CELF4: variants seen among roughly 807,000 people sequenced by gnomAD.
CELF4 encodes CUGBP Elav-like family member 4.
In CELF4, 18 loss-of-function variants were observed where a neutral mutation model predicts 59.9. The ratio of observed to expected loss-of-function variants is 0.30; its 90% CI spans 0.21 to 0.45. The LOEUF is 0.45. Among genes scored for constraint, CELF4 ranks in the 20% least tolerant of loss-of-function variants. The probability of loss-of-function intolerance (pLI) is 1.00; values close to 1 mark genes in which losing one functional copy is unlikely to be tolerated. For missense variants in CELF4, 456 were observed against 689.0 expected, an observed-to-expected ratio of 0.66 and a Z score of 3.79; for synonymous variants, 261 against 267.1, an observed-to-expected ratio of 0.98 and a Z score of 0.22.
At chr18:37,475,117 TAAGAC>T (rs2099845066) in intron 2 of CELF4, among the ~76,000 whole-genome samples, 1 of 152,200 alleles carries the variant, frequency 6.6e-6, no homozygotes, top group Non-Finnish European at 1.5e-5. Context: ...GTCTGCCTGA[TAAGAC>T]ACCCCTTATT....
intron 1 of CELF4, chr18:37,528,979 A>G (rs2099966722): frequency 1.3e-5 from 2 of 152,066 alleles, no homozygotes; most frequent in South Asian, 4.2e-4. Flanking sequence ...CTCTTAGCTC[A>G]TTCCTTTATT....
chr18:37,474,645 G>C (rs1280457083), intron 2 of CELF4, among the ~76,000 whole-genome samples: 1 of 152,242 alleles, frequency 6.6e-6, no homozygotes, highest in Non-Finnish European at 1.5e-5. Context: ...GGGTGATGCT[G>C]TCTTAAATAA....
At chr18:37,379,973 T>G (rs2154568922) in intron 2 of CELF4, among the ~76,000 whole-genome samples, 1 of 152,178 alleles carries the variant, frequency 6.6e-6, no homozygotes, top group South Asian at 2.1e-4. Flanking sequence ...ACTCAGAGGG[T>G]GGATGGGTTT....
chr18:37,369,056 A>C (rs1036613654), intron 2 of CELF4, among the ~76,000 whole-genome samples: 7 of 152,176 alleles, frequency 4.6e-5, no homozygotes, highest in Non-Finnish European at 7.4e-5. Flanking sequence ...GGGAGGAAGG[A>C]ACAAGCCTGA....
At chr18:37,354,542 C>A (rs771647108) in intron 2 of CELF4, among the ~76,000 whole-genome samples, 1 of 152,146 alleles carries the variant, frequency 6.6e-6, no homozygotes, top group Non-Finnish European at 1.5e-5. Flanking sequence ...TTCTGGTTCC[C>A]GTAGGTAGGT....
intron 3 of CELF4, among the ~76,000 whole-genome samples, chr18:37,311,783 C>T (rs543322924): frequency 4.8e-5 from 5 of 104,812 alleles, no homozygotes; most frequent in East Asian, 2.6e-4. Flanking sequence ...AACCAGACTC[C>T]GTCTCAAAAA....
intron 2 of CELF4, among the ~76,000 whole-genome samples, chr18:37,398,933 A>G (rs2099280241): frequency 6.6e-6 from 1 of 152,078 alleles, no homozygotes; most frequent in African/African-American, 2.4e-5. Flanking sequence ...CAAACTGCCC[A>G]TGCTTCACAC....
At chr18:37,405,293 T>C (rs909883875) in intron 2 of CELF4, among the ~76,000 whole-genome samples, 2 of 152,328 alleles carry the variant, frequency 1.3e-5, no homozygotes, top group Non-Finnish European at 2.9e-5. Flanking sequence ...AGGGGCATGA[T>C]CCACAGGGAT....
chr18:37,248,572 AC>A (rs1235363954), intron 12 of CELF4, among the ~76,000 whole-genome samples: 1 of 145,674 alleles, frequency 6.9e-6, no homozygotes, highest in Admixed American at 6.8e-5. Context: ...CTCTTTTCCC[AC>A]CCTCTCACCC....
intron 2 of CELF4, among the ~76,000 whole-genome samples, chr18:37,447,228 A>G (rs1189786098): frequency 1.3e-5 from 2 of 152,230 alleles, no homozygotes; most frequent in African/African-American, 4.8e-5. Flanking sequence ...AACACTTGGC[A>G]TCCAAATTCA....
intron 2 of CELF4, among the ~76,000 whole-genome samples, chr18:37,326,657 C>T (rs899334092): frequency 3.9e-5 from 6 of 152,310 alleles, no homozygotes; most frequent in East Asian, 3.9e-4. Flanking sequence ...GTCAGTCCTC[C>T]GGGGACATCA....
At chr18:37,518,335 T>C (rs750494496) in intron 1 of CELF4, among the ~76,000 whole-genome samples, 4 of 152,190 alleles carry the variant, frequency 2.6e-5, no homozygotes, top group South Asian at 2.1e-4. Flanking sequence ...CCCTGGGCAA[T>C]AAGCGACACA....
chr18:37,397,057 G>A (rs1298757120), intron 2 of CELF4, among the ~76,000 whole-genome samples: 1 of 152,140 alleles, frequency 6.6e-6, no homozygotes, highest in Non-Finnish European at 1.5e-5. Context: ...GAGCCCAGGG[G>A]GGAGGTGAGC....
At chr18:37,558,381 GTT>G (rs140019882) in intron 1 of CELF4, among the ~76,000 whole-genome samples, 2,088 of 139,836 alleles carry the variant, frequency 0.015, 51 homozygotes, top group African/African-American at 0.054. Context: ...CCCTGTAACA[GTT>G]TTTTTTTTTT....
chr18:37,242,849 C>T (rs1001124643), downstream of CELF4, among the ~76,000 whole-genome samples: 1 of 152,168 alleles, frequency 6.6e-6, no homozygotes, highest in African/African-American at 2.4e-5. Context: ...AGAGATTCTT[C>T]CTAGAGTGGA....
intron 12 of CELF4, among the ~76,000 whole-genome samples, chr18:37,251,197 T>A (rs1412279614): frequency 2.0e-5 from 3 of 147,860 alleles, no homozygotes; most frequent in Non-Finnish European, 4.4e-5. Flanking sequence ...GTAGTTAACA[T>A]CTCCTAGTTG....
intron 1 of CELF4, among the ~76,000 whole-genome samples, chr18:37,525,574 C>T (rs1165566808): frequency 2.6e-5 from 3 of 115,698 alleles, no homozygotes; most frequent in Admixed American, 2.5e-4. Flanking sequence ...GGACAATCTT[C>T]TGCTTTCTAG....
At chr18:37,293,150 G>A (rs1256261694) in intron 3 of CELF4, among the ~76,000 whole-genome samples, 1 of 152,226 alleles carries the variant, frequency 6.6e-6, no homozygotes, top group African/African-American at 2.4e-5. Context: ...GGCTCCTTCG[G>A]GCACAGTCTT....
chr18:37,479,301 G>A (rs183838984), intron 2 of CELF4, among the ~76,000 whole-genome samples: 4 of 152,362 alleles, frequency 2.6e-5, no homozygotes, highest in Admixed American at 1.3e-4. Context: ...AAGTAAGGGA[G>A]GAACGCTCTG....
Sources: gnomAD v4.1 joint callset for allele counts (sites outside exome capture counted in the v4.1 genomes callset) on GRCh38, gnomAD v4.1.1 for gene constraint, MANE v1.5 for transcripts, NCBI Gene and HGNC (gene_info 2026-07-23, HGNC 2026-07-21) for gene names.